Variants in LDB3 observed in about 807,000 individuals in gnomAD.
The protein encoded by LDB3 is LIM domain-binding protein 3.
In LDB3, 49 loss-of-function variants were observed where a neutral mutation model predicts 69.0. The ratio of observed to expected loss-of-function variants is 0.71; its 90% CI spans 0.56 to 0.90. LDB3 has a LOEUF of 0.90. Ranked by LOEUF, LDB3 falls within the 40% of genes least tolerant of loss-of-function variation. The pLI, the probability that LDB3 is intolerant of heterozygous loss-of-function variation, is 0.00. For missense variants in LDB3, 928 were observed against 974.1 expected, an observed-to-expected ratio of 0.95 and a Z score of 0.63; for synonymous variants, 387 against 396.2, an observed-to-expected ratio of 0.98 and a Z score of 0.28.
chr10:86,710,559 G>A (rs1846610811), intron 9 of LDB3, among the ~76,000 whole-genome samples: 1 of 152,230 alleles, frequency 6.6e-6, no homozygotes, highest in Non-Finnish European at 1.5e-5. Context: ...CTCCAGCCTG[G>A]GCGACAGAAT....
intron 13 of LDB3, among the ~76,000 whole-genome samples, chr10:86,731,175 C>A (rs1422265249): frequency 2.0e-5 from 3 of 149,316 alleles, no homozygotes; most frequent in Admixed American, 2.0e-4. Flanking sequence ...AAAAGAATTT[C>A]ATCTCTTTTG....
At chr10:86,727,544 T>G (rs760645636) in intron 13 of LDB3, among the ~76,000 whole-genome samples, 20 of 152,340 alleles carry the variant, frequency 1.3e-4, no homozygotes, top group Non-Finnish European at 1.8e-4. Flanking sequence ...ATTCACTCTG[T>G]GTGTCGGTTT....
chr10:86,689,072 C>T (rs2132405248), intron 5 of LDB3, among the ~76,000 whole-genome samples: 1 of 152,238 alleles, frequency 6.6e-6, no homozygotes, highest in South Asian at 2.1e-4. Flanking sequence ...ATAACGTGCT[C>T]CCATTTCTGC....
At chr10:86,677,541 G>A (rs937176869) in intron 2 of LDB3, among the ~76,000 whole-genome samples, 6 of 152,186 alleles carry the variant, frequency 3.9e-5, no homozygotes, top group Non-Finnish European at 8.8e-5. Flanking sequence ...TCTGAGCCAC[G>A]ATGACATCCC....
At position 86,696,115 on chromosome 10, in the gene LDB3, CCAATAAGAT is replaced by C. The variant is rs556508340; in HGVS notation, c.896+3545_896+3553del. On this transcript the variant is annotated intron_variant, in intron 7 of 13. Coordinates refer to ENST00000361373, the MANE Select transcript of LDB3 (RefSeq NM_007078.3). ...CTATCATGCAGCCATTAAGCTTCTT[CCAATAAGAT>C]GCCAGGGCTCACTGGCTCCCCCTCT... Among the ~76,000 whole-genome samples the C allele has an allele frequency of 8.5e-5, 13 of 152,324 alleles. No homozygotes were observed. In the East Asian group the frequency reaches 2.5e-3, roughly 29 times the overall value.
chr10:86,689,196 C>T (rs914319238), intron 5 of LDB3, among the ~76,000 whole-genome samples: 7 of 152,138 alleles, frequency 4.6e-5, no homozygotes, highest in South Asian at 2.1e-4. Context: ...CTCTTGTGTG[C>T]GCTGCCCCTC....
intron 7 of LDB3, among the ~76,000 whole-genome samples, chr10:86,701,752 A>G (rs765240311): frequency 4.6e-5 from 7 of 152,222 alleles, no homozygotes; most frequent in Non-Finnish European, 8.8e-5. Flanking sequence ...AAGGCTGGAC[A>G]GATACTCTAA....
chr10:86,699,346 C>T lies in LDB3; in HGVS notation c.896+6775C>T. On this transcript the variant is annotated intron_variant, in intron 7 of 13. Transcript: ENST00000361373. The surrounding 1 kb of genome is among the most constrained non-coding windows in gnomAD (Gnocchi z 4.9). ...TTGCGCAACTGGCACCATGGCCTTT[C>T]AGCCCAAATCCTTAATGTTAAAAGC... 6.2e-7 allele frequency: 1 copy of T among 1,613,968 alleles called. No individual in the cohort carries two copies.
intron 7 of LDB3, among the ~76,000 whole-genome samples, chr10:86,694,334 C>G (rs948489676): frequency 6.6e-6 from 1 of 152,134 alleles, no homozygotes; most frequent in Non-Finnish European, 1.5e-5. Flanking sequence ...AGTCCTTTCA[C>G]CAGCGGCCTA....
At chr10:86,692,332 CT>C (rs1425723976) in intron 6 of LDB3, among the ~76,000 whole-genome samples, 8 of 152,368 alleles carry the variant, frequency 5.3e-5, no homozygotes, top group African/African-American at 1.9e-4. Flanking sequence ...TTGCCCAGGG[CT>C]GGGATGAGGC....
Position 86,680,992 on chromosome 10 carries a change from C to G in LDB3, c.322-444C>G, listed in dbSNP as rs528239705. The stretch of plus-strand genomic sequence containing the variant: ...TGTGAGCTACCCAATTCCTCAGCTT[C>G]CCTCCTCACCTCCCCACCACCTGCC... On this transcript the variant is annotated intron_variant, in intron 4 of 13. Coordinates refer to ENST00000361373, the MANE Select transcript of LDB3 (RefSeq NM_007078.3). 3.4e-3 allele frequency among the ~76,000 whole-genome samples: 519 copies of G among 152,358 alleles called. 2 individuals carry two copies. Among genetic ancestry groups the G allele is most frequent in the African/African-American group, 0.012 (488 of 41,592 alleles).
At chr10:86,692,950 T>C (rs567577449) in intron 7 of LDB3, among the ~76,000 whole-genome samples, 2 of 152,300 alleles carry the variant, frequency 1.3e-5, no homozygotes, top group East Asian at 1.9e-4. Flanking sequence ...CCCCCTATGA[T>C]TCCGAAGGCT....
At chr10:86,712,107 C>CAGAAG (rs1203445532) in intron 9 of LDB3, among the ~76,000 whole-genome samples, 4 of 152,086 alleles carry the variant, frequency 2.6e-5, no homozygotes, top group Admixed American at 6.5e-5. Flanking sequence ...AGCGCCACTG[C>CAGAAG]CTGCTCGCCC....
chr10:86,668,842 C>A, intron 2 of LDB3, 58 bp downstream of exon 2: 1 of 1,270,422 alleles, frequency 7.9e-7, no homozygotes, highest in Non-Finnish European at 1.1e-6. Context: ...TGGAGGAGGG[C>A]ATGTGTGTCC....
chr10:86,684,175 T>A (rs1237415961), intron 5 of LDB3, among the ~76,000 whole-genome samples: 1 of 152,146 alleles, frequency 6.6e-6, no homozygotes, highest in African/African-American at 2.4e-5. Flanking sequence ...TCTCCTCCCT[T>A]CTGAGGCTGG....
Position 86,732,909 on chromosome 10 carries a change from G to T in LDB3, c.2117G>T (p.Gly706Val), listed in dbSNP as rs763535018. ...ICAVCHVNLE[G>V]QPFYSKKDRP... is the part of the protein sequence containing the mutation. ...CAGGTCTGCCATGTGAATCTGGAGG[G>T]GCAGCCGTTCTACTCCAAGAAGGAC... Residue 706 changes from glycine (G) to valine (V), a missense_variant, in exon 14 of 14, where the codon GGG becomes GTG. Physicochemically the swap from Gly to Val is moderately radical, Grantham distance 109 (BLOSUM62 -3). Transcript: ENST00000361373. 1.2e-6 allele frequency: 2 copies of T among 1,613,874 alleles called. No homozygotes were observed. The highest frequency in any genetic ancestry group is 4.5e-5 in the East Asian group (2 of 44,874).
chr10:86,729,685 A>G (rs950808522), intron 13 of LDB3, among the ~76,000 whole-genome samples: 2 of 152,158 alleles, frequency 1.3e-5, no homozygotes, highest in African/African-American at 4.8e-5. Flanking sequence ...GCCACCTTGC[A>G]CCAAGAAGAC....
At chr10:86,667,718 T>C (rs772849541), upstream of LDB3, among the ~76,000 whole-genome samples, 18 of 152,174 alleles carry the variant, frequency 1.2e-4, no homozygotes, top group Non-Finnish European at 2.1e-4. Flanking sequence ...GAGCCAGGAA[T>C]AACTGGCTGG....
intron 5 of LDB3, among the ~76,000 whole-genome samples, chr10:86,683,938 G>T (rs1354478675): frequency 6.6e-6 from 1 of 152,216 alleles, no homozygotes; most frequent in Admixed American, 6.5e-5. Context: ...TAGGAAACAG[G>T]CTGGGACGGG....
Sources: allele counts gnomAD v4.1 joint callset (sites outside exome capture counted in the v4.1 genomes callset), GRCh38; gene constraint gnomAD v4.1.1; non-coding constraint Gnocchi (gnomAD v3.1); transcripts MANE v1.5; gene names NCBI Gene and HGNC (gene_info 2026-07-23, HGNC 2026-07-21).